Variants in FARP2 observed in about 807,000 individuals in gnomAD.
FARP2 encodes FERM, ARHGEF and pleckstrin domain-containing protein 2.
Under a neutral mutation model 130.5 loss-of-function variants are expected in FARP2, and 111 were observed. The ratio of observed to expected loss-of-function variants is 0.85; its 90% CI spans 0.73 to 1.00. FARP2 has a LOEUF of 1.00. FARP2 is among the 50% of genes least tolerant of loss of function. FARP2 has a pLI of 0.00. For missense variants in FARP2, 1,385 were observed against 1,346.3 expected (o/e 1.03, Z -0.45); for synonymous variants, 504 against 516.9 (o/e 0.98, Z 0.34).
chr2:241,456,653 G>A, intron 13 of FARP2, 94 bp from the exon 14 acceptor site: 2 of 1,225,664 alleles, frequency 1.6e-6, no homozygotes, highest in Non-Finnish European at 2.4e-6. Flanking sequence ...TGTGAGGCTG[G>A]CGGTTGAATG....
chr2:241,361,749 G>A (rs551426804), intron 1 of FARP2, among the ~76,000 whole-genome samples: 2 of 152,248 alleles, frequency 1.3e-5, no homozygotes, highest in South Asian at 4.1e-4. Context: ...CCCAGTAGGG[G>A]AATGTGAGGT....
At chr2:241,493,480 A>G (rs745692051) in intron 26 of FARP2, 36 bp downstream of exon 26, 1 of 1,600,504 alleles carries the variant, frequency 6.2e-7, no homozygotes, top group South Asian at 1.1e-5. Flanking sequence ...TCAGCTGCCC[A>G]TTTCGATGTC....
intron 5 of FARP2, among the ~76,000 whole-genome samples, chr2:241,408,177 G>T (rs1021899775): frequency 3.3e-5 from 5 of 152,108 alleles, no homozygotes; most frequent in Non-Finnish European, 5.9e-5. Context: ...AGACCATCCT[G>T]GCTAACACAG....
chr2:241,482,832 C>T lies in FARP2; in HGVS notation c.2263-633C>T, dbSNP rs1249046326. Among the ~76,000 whole-genome samples, 1 of 152,130 alleles carries T rather than the reference C, an allele frequency of 6.6e-6. No individual in the cohort carries two copies. Among genetic ancestry groups the T allele is most frequent in the Non-Finnish European group, 1.5e-5 (1 of 68,040 alleles). On this transcript the variant is annotated intron_variant, in intron 19 of 26. Transcript: ENST00000264042. The surrounding 1 kb of genome is among the most constrained non-coding windows in gnomAD (Gnocchi z 4.6). Reference sequence around the variant, plus strand: ...GAATCTGAGGGGCTCCCAGGACTCTCGCTTACCCTATCTGCGCAGGTGTCT... The same window carrying T: ...GAATCTGAGGGGCTCCCAGGACTCTTGCTTACCCTATCTGCGCAGGTGTCT...
chr2:241,464,886 C>G (rs1469745435), intron 17 of FARP2, among the ~76,000 whole-genome samples: 1 of 151,962 alleles, frequency 6.6e-6, no homozygotes, highest in Non-Finnish European at 1.5e-5. Flanking sequence ...TGTCCAGGGC[C>G]CCATCAGGAC....
At chr2:241,382,290 C>CTCTTTTTTTTTTTTTTTTTTTTTTTTT (rs1553709361) in intron 2 of FARP2, among the ~76,000 whole-genome samples, 1 of 127,198 alleles carries the variant, frequency 7.9e-6, no homozygotes. Context: ...TGTACAAAAT[C>CTCTTTTTTTTTTTTTTTTTTTTTTTTT]TATTTTTTTT....
chr2:241,441,829 G>A (rs1208753748), intron 13 of FARP2: 2 of 555,198 alleles, frequency 3.6e-6, no homozygotes, highest in African/African-American at 3.8e-5. Flanking sequence ...TGACCCAGCA[G>A]ACATCTCCTT....
chr2:241,458,863 A>G (rs2063937351), intron 14 of FARP2, among the ~76,000 whole-genome samples: 1 of 152,228 alleles, frequency 6.6e-6, no homozygotes, highest in Admixed American at 6.5e-5. Flanking sequence ...ATGACGTGGC[A>G]TGGGGCCAGC....
intron 15 of FARP2, among the ~76,000 whole-genome samples, chr2:241,463,087 T>A (rs1379646211): frequency 6.6e-6 from 1 of 152,228 alleles, no homozygotes; most frequent in Admixed American, 6.5e-5. Context: ...GAACATTGGG[T>A]CCAAGTTTTT....
At chr2:241,416,886 G>T (rs2062686939) in intron 7 of FARP2, among the ~76,000 whole-genome samples, 1 of 152,194 alleles carries the variant, frequency 6.6e-6, no homozygotes, top group Admixed American at 6.5e-5. Flanking sequence ...TCCAGCCTGG[G>T]CGACAGAGTG....
chr2:241,483,980 C>G, intron 20 of FARP2: 3 of 1,317,540 alleles, frequency 2.3e-6, no homozygotes, highest in Non-Finnish European at 2.9e-6. Flanking sequence ...GAGTCAGCAC[C>G]AGCCAGAATT....
At chr2:241,428,059 C>T (rs1185010881) in intron 8 of FARP2, among the ~76,000 whole-genome samples, 1 of 151,536 alleles carries the variant, frequency 6.6e-6, no homozygotes, top group East Asian at 2.0e-4. Flanking sequence ...AGCCACCACG[C>T]CCAGCCTAGG....
chr2:241,432,665 T>C (rs868718369), intron 9 of FARP2, among the ~76,000 whole-genome samples: 1 of 152,204 alleles, frequency 6.6e-6, no homozygotes, highest in Non-Finnish European at 1.5e-5. Flanking sequence ...TAATTACATA[T>C]GAATTTACTG....
chr2:241,402,870 ATATATATATATTTTTTTT>A (rs2062223016), intron 2 of FARP2, among the ~76,000 whole-genome samples: 2 of 12,486 alleles, frequency 1.6e-4, no homozygotes, highest in South Asian at 3.0e-3. Context: ...ATATATATAT[ATATATATATATTTTTTTT>A]TTTTTTTTTT....
At chr2:241,370,390 T>C (rs888166405) in intron 1 of FARP2, among the ~76,000 whole-genome samples, 3 of 152,184 alleles carry the variant, frequency 2.0e-5, no homozygotes, top group African/African-American at 7.2e-5. Flanking sequence ...TTCTGAACAT[T>C]ACTAATTTTT....
At chr2:241,370,198 A>G (rs2061395447) in intron 1 of FARP2, among the ~76,000 whole-genome samples, 1 of 152,180 alleles carries the variant, frequency 6.6e-6, no homozygotes, top group African/African-American at 2.4e-5. Context: ...TTCCCAACAG[A>G]AAGAATTTGT....
chr2:241,410,892 G>T, intron 5 of FARP2, 141 bp from the exon 6 acceptor site: 1 of 606,428 alleles, frequency 1.6e-6, no homozygotes. Context: ...TTGCTGTTTC[G>T]TGACCGCCTT....
chr2:241,435,358 A>T (rs1239409575), intron 11 of FARP2, among the ~76,000 whole-genome samples: 1 of 150,254 alleles, frequency 6.7e-6, no homozygotes, highest in African/African-American at 2.5e-5. Context: ...CTCCAACCTC[A>T]GCCTCCCAAA....
intron 17 of FARP2, chr2:241,466,443 T>C: frequency 2.0e-6 from 2 of 985,430 alleles, no homozygotes; most frequent in Non-Finnish European, 2.4e-6. Context: ...CACTCACCAC[T>C]GCCAGGCAGG....
Sources: gnomAD v4.1 joint callset for allele counts (sites outside exome capture counted in the v4.1 genomes callset) on GRCh38, gnomAD v4.1.1 for gene constraint, Gnocchi (gnomAD v3.1) non-coding constraint, MANE v1.5 for transcripts, NCBI Gene and HGNC (gene_info 2026-07-23, HGNC 2026-07-21) for gene names.